The following KLHL24 variants were observed in gnomAD, a reference collection of about 807,000 sequenced individuals.
KLHL24 encodes kelch-like protein 24.
Under a neutral mutation model 53.4 loss-of-function variants are expected in KLHL24, and 29 were observed. The observed-to-expected ratio is 0.54, with a 90% CI of 0.40 to 0.74. KLHL24 has a LOEUF of 0.74. KLHL24 is among the 30% of genes least tolerant of loss of function. The probability of loss-of-function intolerance (pLI) is 0.00; values close to 1 mark genes in which losing one functional copy is unlikely to be tolerated. For synonymous variants in KLHL24, 222 were observed against 253.7 expected, an observed-to-expected ratio of 0.88 and a Z score of 1.19; for missense variants, 504 against 744.0, an observed-to-expected ratio of 0.68 and a Z score of 3.75.
In KLHL24 at chr3:183,679,596, G is replaced by A. The variant is rs1020731927; in HGVS notation, c.*310G>A. The A allele has an allele frequency of 4.8e-5, 13 of 270,892 alleles. No homozygotes were observed. The highest frequency in any genetic ancestry group is 1.6e-4 in the African/African-American group (7 of 44,748). The allele number at this position is 270,892 out of a possible 1,614,324, so 16.8% of individuals were successfully genotyped here. A position where few individuals can be genotyped will look rare whatever the true frequency, so the allele number is the denominator to read the frequency against. On this transcript the variant is annotated 3_prime_UTR_variant, in exon 8 of 8. Coordinates refer to ENST00000242810, the MANE Select transcript of KLHL24 (RefSeq NM_017644.3). The stretch of plus-strand genomic sequence containing the variant: ...GTCTGTCTGCATACCTTTTAGGAGC[G>A]TGTGAATGGTGTCTTCACTTATTAT...
chr3:183,638,796 A>G (rs1715805227), intron 1 of KLHL24, among the ~76,000 whole-genome samples: 1 of 152,216 alleles, frequency 6.6e-6, no homozygotes, highest in African/African-American at 2.4e-5. Context: ...AACAATCGCT[A>G]AGCAAACTTC....
chr3:183,677,664 A>G (rs1445420248), intron 7 of KLHL24, among the ~76,000 whole-genome samples: 1 of 152,238 alleles, frequency 6.6e-6, no homozygotes, highest in Non-Finnish European at 1.5e-5. Context: ...GAACCAGGAT[A>G]ATAAGGTGCA....
chr3:183,636,153 G>A lies in KLHL24; in HGVS notation c.-125+360G>A, dbSNP rs1715119646. The A allele has an allele frequency of 2.6e-5, 4 of 152,632 alleles. No homozygotes were observed. The South Asian group carries it at 8.3e-4, about 32-fold the overall frequency. 9.5% of individuals were successfully genotyped at this position (152,632 alleles called of 1,614,324 possible). A position where few individuals can be genotyped will look rare whatever the true frequency, so the allele number is the denominator to read the frequency against. Reference sequence around the variant, plus strand: ...CGCGGGGCCGGGCGCCGCCGGGGGAGGCGGCTGGGCAGACGGGTGCTGCTT... The same window carrying A: ...CGCGGGGCCGGGCGCCGCCGGGGGAAGCGGCTGGGCAGACGGGTGCTGCTT... On this transcript the variant is annotated intron_variant, in intron 1 of 7. Coordinates refer to ENST00000242810, the MANE Select transcript of KLHL24 (RefSeq NM_017644.3).
intron 2 of KLHL24, among the ~76,000 whole-genome samples, chr3:183,647,808 A>C (rs558224883): frequency 6.6e-6 from 1 of 152,170 alleles, no homozygotes; most frequent in Non-Finnish European, 1.5e-5. Flanking sequence ...GTTCAAGACC[A>C]GCCTAGCTAA....
chr3:183,674,050 A>C (rs1721728614), intron 7 of KLHL24, among the ~76,000 whole-genome samples: 1 of 152,286 alleles, frequency 6.6e-6, no homozygotes, highest in Non-Finnish European at 1.5e-5. Context: ...TTAACCTAGA[A>C]ACTTAATTTA....
chr3:183,644,606 AAGT>A (rs1335918583), intron 2 of KLHL24, among the ~76,000 whole-genome samples: 10 of 152,200 alleles, frequency 6.6e-5, no homozygotes, highest in Non-Finnish European at 1.2e-4. Context: ...TATTGGGTAA[AAGT>A]AGTGGAGAGG....
chr3:183,679,204 G>C lies in KLHL24; in HGVS notation c.1721G>C (p.Gly574Ala), dbSNP rs1712423178. Residue 574 changes from glycine to alanine, a missense_variant, in exon 8 of 8, where the codon GGG becomes GCG. Coordinates refer to ENST00000242810, the MANE Select transcript of KLHL24 (RefSeq NM_017644.3). ...GATCCTGCAACAAGTATCATCACAG[G>C]GGTAGCTGCAATGCCCAGGCCAGTG... is the stretch of plus-strand genomic sequence containing the variant. ...CYDPATSIITGVAAMPRPVSY... is the reference protein window; with the variant it reads ...CYDPATSIITAVAAMPRPVSY... The C allele has an allele frequency of 1.2e-6, 2 of 1,613,650 alleles. No individual in the cohort carries two copies. Among genetic ancestry groups the C allele is most frequent in the Non-Finnish European group, 8.5e-7 (1 of 1,179,650 alleles).
In KLHL24 at chr3:183,672,501, G is replaced by C. The variant is rs1373311848; in HGVS notation, c.1602+17G>C. 2.6e-6 allele frequency: 4 copies of C among 1,544,950 alleles called. No homozygotes were observed. The highest frequency in any genetic ancestry group is 3.5e-6 in the Non-Finnish European group (4 of 1,139,296). On this transcript the variant is annotated intron_variant, in intron 7 of 7. Coordinates refer to ENST00000242810, the MANE Select transcript of KLHL24 (RefSeq NM_017644.3). ...AGCCGTCAGGTAATAACATAAAGCA[G>C]TACAAAAGAAAAATAAATCTAAGAG... is the stretch of plus-strand genomic sequence containing the variant.
At chr3:183,655,299 T>C (rs1176945112) in intron 3 of KLHL24, among the ~76,000 whole-genome samples, 1 of 152,092 alleles carries the variant, frequency 6.6e-6, no homozygotes, top group Non-Finnish European at 1.5e-5. Flanking sequence ...GAAAAAACAG[T>C]AGAGACTAAT....
chr3:183,661,767 A>G (rs1218296114), intron 3 of KLHL24, among the ~76,000 whole-genome samples: 2 of 152,226 alleles, frequency 1.3e-5, no homozygotes, highest in Non-Finnish European at 1.5e-5. Context: ...AAACCAAGTA[A>G]TGTACAATAA....
chr3:183,647,632 G>T (rs1276330007), intron 2 of KLHL24, among the ~76,000 whole-genome samples: 1 of 151,046 alleles, frequency 6.6e-6, no homozygotes, highest in Non-Finnish European at 1.5e-5. Context: ...AATCACTTGA[G>T]CCTGGGAGGT....
chr3:183,643,352 C>T (rs1321956098), intron 1 of KLHL24, 128 bp from the exon 2 acceptor site: 1 of 152,060 alleles, frequency 6.6e-6, no homozygotes, highest in African/African-American at 2.4e-5. Flanking sequence ...TATTTTTAAA[C>T]AAAAACGAAC....
intron 7 of KLHL24, among the ~76,000 whole-genome samples, chr3:183,675,517 C>T (rs1458532747): frequency 6.6e-6 from 1 of 152,188 alleles, no homozygotes; most frequent in Admixed American, 6.5e-5. Flanking sequence ...GTGTACCCTA[C>T]TTGCATGAGA....
At chr3:183,661,761 C>T (rs926721811) in intron 3 of KLHL24, among the ~76,000 whole-genome samples, 4 of 152,018 alleles carry the variant, frequency 2.6e-5, no homozygotes, top group African/African-American at 9.7e-5. Flanking sequence ...AAGTATAAAC[C>T]AAGTAATGTA....
At chr3:183,675,249 A>T (rs17621407) in intron 7 of KLHL24, among the ~76,000 whole-genome samples, 2 of 152,144 alleles carry the variant, frequency 1.3e-5, no homozygotes, top group African/African-American at 2.4e-5. Context: ...ATAGATTATA[A>T]GGATAGTGAA....
At chr3:183,649,766 C>T (rs564237970) in intron 2 of KLHL24, among the ~76,000 whole-genome samples, 8 of 151,628 alleles carry the variant, frequency 5.3e-5, no homozygotes, top group South Asian at 2.1e-4. Context: ...CATGGTGGTA[C>T]GCACACATAG....
chr3:183,640,760 C>T (rs570776200), intron 1 of KLHL24, among the ~76,000 whole-genome samples: 468 of 152,020 alleles, frequency 3.1e-3, no homozygotes, highest in African/African-American at 0.011. Flanking sequence ...CCACCACACC[C>T]GGCTAATTTT....
chr3:183,663,591 A>G lies in KLHL24; in HGVS notation c.1054A>G (p.Thr352Ala). Residue 352 changes from threonine (T) to alanine (A), a missense_variant, in exon 4 of 8, where the codon ACC becomes GCC. Physicochemically the swap from Thr to Ala is moderately conservative, Grantham distance 58 (BLOSUM62 0). Coordinates refer to ENST00000242810, the MANE Select transcript of KLHL24 (RefSeq NM_017644.3). The surrounding 1 kb of genome is among the most constrained non-coding windows in gnomAD (Gnocchi z 4.9). The stretch of plus-strand genomic sequence containing the variant: ...GTCTTTGGCTAAGCTTCCAGAATTT[A>G]CCAAATCAGAGTATGCAGTCTGTGC... ...WKSLAKLPEF[T>A]KSEYAVCALR... 5.6e-6 allele frequency: 9 copies of G among 1,607,096 alleles called. No individual in the cohort carries two copies. Among genetic ancestry groups the G allele is most frequent in the Non-Finnish European group, 7.7e-6 (9 of 1,176,068 alleles).
chr3:183,645,356 A>C (rs1191410373), intron 2 of KLHL24, among the ~76,000 whole-genome samples: 1 of 152,258 alleles, frequency 6.6e-6, no homozygotes. Context: ...ATAACTTCAA[A>C]TTAAAAGCAT....
Sources: allele counts gnomAD v4.1 joint callset (sites outside exome capture counted in the v4.1 genomes callset), GRCh38; gene constraint gnomAD v4.1.1; non-coding constraint Gnocchi (gnomAD v3.1); transcripts MANE v1.5; gene names NCBI Gene and HGNC (gene_info 2026-07-23, HGNC 2026-07-21).